Variants in GREB1L observed in about 807,000 individuals in gnomAD.
GREB1L encodes the protein GREB1-like protein.
In GREB1L, 17 loss-of-function variants were observed where a neutral mutation model predicts 200.8. The observed-to-expected ratio is 0.08, with a 90% CI of 0.06 to 0.13. GREB1L has a LOEUF of 0.13. GREB1L is among the 10% of genes least tolerant of loss of function. The pLI is 1.00. For synonymous variants in GREB1L, 789 were observed against 893.0 expected (o/e 0.88, Z 2.08); for missense variants, 1,657 against 2,367.7 (o/e 0.70, Z 6.23).
rs188066617 is a variant in GREB1L at position 21,257,327 on chromosome 18, T to C, written c.-120+14934T>C. ...TGAATTAAAAATGTTACTAGGTTCT[T>C]TTCTGGAAAAATTAGAACATGTAAA... On this transcript the variant is annotated intron_variant, in intron 1 of 32. Transcript: ENST00000424526. 2.6e-4 allele frequency among the ~76,000 whole-genome samples: 39 copies of C among 152,284 alleles called. No individual in the cohort carries two copies. In the East Asian group the frequency reaches 6.4e-3, roughly 25 times the overall value.
intron 16 of GREB1L, among the ~76,000 whole-genome samples, chr18:21,476,512 A>T (rs1449174188): frequency 6.6e-6 from 1 of 151,898 alleles, no homozygotes; most frequent in African/African-American, 2.4e-5. Context: ...GTTTTGGGTG[A>T]TATTTCTGAG....
chr18:21,280,716 G>A (rs1265843483), intron 1 of GREB1L, among the ~76,000 whole-genome samples: 2 of 151,848 alleles, frequency 1.3e-5, no homozygotes, highest in East Asian at 1.9e-4. Flanking sequence ...TGCTTGTTTT[G>A]TTCTCTATTT....
intron 1 of GREB1L, among the ~76,000 whole-genome samples, chr18:21,311,987 C>T (rs2038799198): frequency 6.6e-6 from 1 of 152,138 alleles, no homozygotes; most frequent in Non-Finnish European, 1.5e-5. Flanking sequence ...CTCCCACCTT[C>T]CACCCGCAAG....
At chr18:21,426,261 G>C (rs747314897) in intron 7 of GREB1L, among the ~76,000 whole-genome samples, 2 of 151,980 alleles carry the variant, frequency 1.3e-5, no homozygotes, top group Non-Finnish European at 2.9e-5. Flanking sequence ...GTTTCACCAT[G>C]TTAACCAGGC....
chr18:21,465,998 C>T (rs559028102), intron 15 of GREB1L, among the ~76,000 whole-genome samples: 11 of 152,208 alleles, frequency 7.2e-5, no homozygotes, highest in African/African-American at 2.2e-4. Flanking sequence ...ACTTCTAAAC[C>T]ATATGTGCTT....
chr18:21,442,421 A>G (rs1433908968), intron 10 of GREB1L, among the ~76,000 whole-genome samples: 1 of 152,170 alleles, frequency 6.6e-6, no homozygotes, highest in Non-Finnish European at 1.5e-5. Flanking sequence ...TGCTAATCCT[A>G]GATCTGTAGG....
chr18:21,520,854 T>C, intron 32 of GREB1L, 31 bp downstream of exon 32: 2 of 1,509,410 alleles, frequency 1.3e-6, no homozygotes, highest in South Asian at 2.6e-5. Context: ...TGCTTGTAAT[T>C]GCTATTGGTT....
intron 27 of GREB1L, 124 bp downstream of exon 27, chr18:21,508,715 GAAAAAA>G (rs35816889): frequency 1.8e-5 from 7 of 380,568 alleles, no homozygotes; most frequent in East Asian, 4.2e-5. Context: ...CCACTCTTCG[GAAAAAA>G]AAAAAAAAAA....
intron 17 of GREB1L, among the ~76,000 whole-genome samples, chr18:21,484,428 C>T (rs1423920505): frequency 6.6e-6 from 1 of 152,144 alleles, no homozygotes; most frequent in Admixed American, 6.5e-5. Context: ...GCGTGAGCCA[C>T]TGCGCCCAGC....
intron 19 of GREB1L, among the ~76,000 whole-genome samples, chr18:21,494,617 TAA>T (rs996116123): frequency 1.4e-5 from 2 of 143,588 alleles, no homozygotes; most frequent in Admixed American, 7.0e-5. Context: ...AGACTCTGTC[TAA>T]AAAAAAAAAA....
chr18:21,430,913 G>C (rs1282281055), intron 7 of GREB1L, among the ~76,000 whole-genome samples: 1 of 150,038 alleles, frequency 6.7e-6, no homozygotes, highest in Admixed American at 6.6e-5. Flanking sequence ...TTTAATATAG[G>C]CATTTACAGC....
chr18:21,432,793 G>A lies in GREB1L; in HGVS notation c.833-6728G>A, dbSNP rs183045680. 2.0e-3 allele frequency among the ~76,000 whole-genome samples: 261 copies of A among 133,596 alleles called. 2 individuals are homozygous for A. The highest frequency in any genetic ancestry group is 0.014 in the South Asian group (58 of 4,136). 87.6% of individuals were successfully genotyped at this position (133,596 alleles called of 152,430 possible). ...ATGATCTTGGCTCACTGCAACCTCC[G>A]CCTCCCAGGCTCAAGCAATTCTTCT... On this transcript the variant is annotated intron_variant, in intron 7 of 32. Coordinates refer to ENST00000424526, the MANE Select transcript of GREB1L (RefSeq NM_001142966.3).
At chr18:21,344,611 G>C (rs2039317888) in intron 1 of GREB1L, among the ~76,000 whole-genome samples, 1 of 152,170 alleles carries the variant, frequency 6.6e-6, no homozygotes, top group Non-Finnish European at 1.5e-5. Context: ...TATACAAGTA[G>C]TACTGTGTGA....
chr18:21,292,628 C>T (rs1264277098), intron 1 of GREB1L, among the ~76,000 whole-genome samples: 2 of 152,162 alleles, frequency 1.3e-5, no homozygotes, highest in African/African-American at 2.4e-5. Context: ...TTGTGTCTGG[C>T]GTCTTTCACT....
chr18:21,244,236 T>C (rs1279078166), intron 1 of GREB1L, among the ~76,000 whole-genome samples: 1 of 152,240 alleles, frequency 6.6e-6, no homozygotes, highest in Non-Finnish European at 1.5e-5. Flanking sequence ...GCAATCTTTA[T>C]TGAATTTTTC....
chr18:21,409,521 T>C (rs1392174897), intron 7 of GREB1L, among the ~76,000 whole-genome samples: 1 of 152,240 alleles, frequency 6.6e-6, no homozygotes, highest in Admixed American at 6.5e-5. Flanking sequence ...GCAAATTTTA[T>C]ACATAAAGTA....
chr18:21,372,942 T>C (rs1269283880), intron 2 of GREB1L, among the ~76,000 whole-genome samples: 1 of 151,956 alleles, frequency 6.6e-6, no homozygotes, highest in Non-Finnish European at 1.5e-5. Flanking sequence ...TTTCTTTTCT[T>C]TTTTTTTGCT....
chr18:21,509,086 G>T (rs1270771076), intron 27 of GREB1L, among the ~76,000 whole-genome samples: 1 of 152,222 alleles, frequency 6.6e-6, no homozygotes, highest in Non-Finnish European at 1.5e-5. Flanking sequence ...ACAGGAATGT[G>T]CCTGAAAGAA....
chr18:21,354,195 A>G (rs1319953711), intron 1 of GREB1L, among the ~76,000 whole-genome samples: 1 of 152,174 alleles, frequency 6.6e-6, no homozygotes, highest in East Asian at 1.9e-4. Flanking sequence ...TAATGCCTCA[A>G]TTGTCACATA....
Sources: gnomAD v4.1 joint callset for allele counts (sites outside exome capture counted in the v4.1 genomes callset) on GRCh38, gnomAD v4.1.1 for gene constraint, MANE v1.5 for transcripts, NCBI Gene and HGNC (gene_info 2026-07-23, HGNC 2026-07-21) for gene names.